STK39: variants seen among roughly 807,000 people sequenced by gnomAD.
STK39 encodes the protein STE20/SPS1-related proline-alanine-rich protein kinase.
A neutral mutation model predicts 77.8 loss-of-function variants in STK39; 20 were observed. The ratio of observed to expected loss-of-function variants is 0.26; its 90% confidence interval spans 0.18 to 0.37. STK39 has a LOEUF of 0.37. Ranked by LOEUF, STK39 falls within the 10% of genes least tolerant of loss-of-function variation. The pLI is 1.00. For missense variants in STK39, 479 were observed against 656.5 expected, an observed-to-expected ratio of 0.73 and a Z score of 2.95; for synonymous variants, 246 against 234.1, an observed-to-expected ratio of 1.05 and a Z score of -0.47.
chr2:168,148,862 G>A (rs377069682), intron 5 of STK39, among the ~76,000 whole-genome samples: 1 of 152,160 alleles, frequency 6.6e-6, no homozygotes. Flanking sequence ...CCATGTTTCC[G>A]CTCCAAAGAG....
At chr2:167,963,471 G>A (rs1408056158) in intron 17 of STK39, among the ~76,000 whole-genome samples, 1 of 151,274 alleles carries the variant, frequency 6.6e-6, no homozygotes, top group East Asian at 1.9e-4. Flanking sequence ...GACATATATT[G>A]GCTTGAAATG....
intron 1 of STK39, among the ~76,000 whole-genome samples, chr2:168,220,291 A>C (rs981601456): frequency 6.6e-6 from 1 of 152,100 alleles, no homozygotes; most frequent in Non-Finnish European, 1.5e-5. Flanking sequence ...GAGAAGCAAC[A>C]CACATGTACT....
intron 1 of STK39, among the ~76,000 whole-genome samples, chr2:168,232,668 T>C (rs1256126799): frequency 1.3e-5 from 2 of 152,092 alleles, no homozygotes; most frequent in Non-Finnish European, 1.5e-5. Flanking sequence ...ATCCCAGCAC[T>C]TTGGGAAGCC....
intron 5 of STK39, among the ~76,000 whole-genome samples, chr2:168,151,341 T>G (rs6720968): frequency 6.6e-6 from 1 of 152,048 alleles, no homozygotes; most frequent in East Asian, 1.9e-4. Flanking sequence ...TGGGGTCTCA[T>G]ATGTAGACTC....
Position 168,131,261 on chromosome 2 carries a change from T to C in STK39, c.975-1503A>G, listed in dbSNP as rs1344204257. ...AACAATGCACTACTTTTTCATCTTT[T>C]CCATATGTTTTAAATGTTTCATAAT... On this transcript the variant is annotated intron_variant, in intron 8 of 17. Transcript: ENST00000355999. Among the ~76,000 whole-genome samples, 4 of 152,210 alleles carry C rather than the reference T, an allele frequency of 2.6e-5. No individual in the cohort carries two copies. The East Asian group carries it at 7.7e-4, about 29-fold the overall frequency.
At chr2:168,087,683 C>T (rs1446373564) in intron 10 of STK39, among the ~76,000 whole-genome samples, 1 of 152,188 alleles carries the variant, frequency 6.6e-6, no homozygotes. Flanking sequence ...CTTTATAGGT[C>T]TCTCCTACTG....
At chr2:168,015,572 C>T (rs1684383558) in intron 15 of STK39, among the ~76,000 whole-genome samples, 1 of 152,188 alleles carries the variant, frequency 6.6e-6, no homozygotes, top group Non-Finnish European at 1.5e-5. Context: ...GCCCATGGTC[C>T]AGTAATGCTG....
At chr2:168,204,487 T>C (rs1000848271) in intron 1 of STK39, among the ~76,000 whole-genome samples, 10 of 152,200 alleles carry the variant, frequency 6.6e-5, no homozygotes, top group Non-Finnish European at 1.5e-4. Context: ...CCTCAACCCC[T>C]GCCCAGGGAA....
At chr2:168,205,131 GGTATTCA>G (rs1256072297) in intron 1 of STK39, among the ~76,000 whole-genome samples, 13 of 152,124 alleles carry the variant, frequency 8.5e-5, no homozygotes, top group Admixed American at 7.9e-4. Flanking sequence ...TGGAGAGATG[GGTATTCA>G]GTACCAATTT....
intron 1 of STK39, among the ~76,000 whole-genome samples, chr2:168,182,970 T>A (rs898867250): frequency 6.6e-6 from 1 of 152,104 alleles, no homozygotes; most frequent in Non-Finnish European, 1.5e-5. Flanking sequence ...TGACAATCTT[T>A]CTCCCTAAAG....
intron 11 of STK39, 26 bp from the exon 12 acceptor site, chr2:168,075,037 A>G: frequency 3.7e-6 from 6 of 1,613,686 alleles, no homozygotes; most frequent in Non-Finnish European, 5.1e-6. Flanking sequence ...GTATCCATTA[A>G]TATATATACA....
intron 15 of STK39, among the ~76,000 whole-genome samples, chr2:168,013,147 G>A (rs890944379): frequency 6.6e-6 from 1 of 152,138 alleles, no homozygotes; most frequent in Non-Finnish European, 1.5e-5. Context: ...CTTGTATTTT[G>A]TACAAACAGC....
intron 16 of STK39, among the ~76,000 whole-genome samples, chr2:167,971,636 C>A (rs1475193079): frequency 6.6e-6 from 1 of 152,154 alleles, no homozygotes; most frequent in South Asian, 2.1e-4. Context: ...TAACTTACTG[C>A]GGAATGTTCT....
chr2:168,035,792 A>C (rs116202631), intron 14 of STK39, among the ~76,000 whole-genome samples: 16 of 152,274 alleles, frequency 1.1e-4, no homozygotes, highest in Non-Finnish European at 1.8e-4. Flanking sequence ...TGCTGTCCTT[A>C]AGATAATTCT....
chr2:168,214,104 C>A (rs576515523), intron 1 of STK39, among the ~76,000 whole-genome samples: 1 of 152,212 alleles, frequency 6.6e-6, no homozygotes, highest in African/African-American at 2.4e-5. Context: ...GCCTGCCCAC[C>A]TCCACATCCT....
intron 14 of STK39, among the ~76,000 whole-genome samples, chr2:168,021,217 T>C (rs1235595330): frequency 3.3e-5 from 5 of 152,138 alleles, no homozygotes; most frequent in Admixed American, 2.6e-4. Context: ...ACTATGCATA[T>C]CCTGATGCTT....
chr2:168,186,413 C>T (rs2063959), intron 1 of STK39, among the ~76,000 whole-genome samples: 48,696 of 152,084 alleles, frequency 0.32, 8,087 homozygotes, highest in East Asian at 0.46. Flanking sequence ...CCACTAACAC[C>T]TATGGCAGAG....
chr2:168,081,094 G>A (rs1282741575), intron 10 of STK39, among the ~76,000 whole-genome samples: 6 of 152,118 alleles, frequency 3.9e-5, no homozygotes, highest in African/African-American at 1.2e-4. Context: ...GGCCCCACAC[G>A]GTCTCTATTG....
chr2:167,989,539 G>A (rs1683645093), intron 16 of STK39, among the ~76,000 whole-genome samples: 1 of 152,132 alleles, frequency 6.6e-6, no homozygotes, highest in Non-Finnish European at 1.5e-5. Flanking sequence ...TTTGGCACCT[G>A]AGGGGTCCCA....
Sources: allele counts gnomAD v4.1 joint callset (sites outside exome capture counted in the v4.1 genomes callset), GRCh38; gene constraint gnomAD v4.1.1; transcripts MANE v1.5; gene names NCBI Gene and HGNC (gene_info 2026-07-23, HGNC 2026-07-21).